Variants in PLXDC2 observed in about 807,000 individuals in gnomAD.
PLXDC2 encodes plexin domain-containing protein 2.
PLXDC2 carries 40 observed loss-of-function variants against 68.9 expected under a neutral mutation model. The ratio of observed to expected loss-of-function variants is 0.58; its 90% CI spans 0.45 to 0.76. The LOEUF is 0.76. Among genes scored for constraint, PLXDC2 ranks in the 30% least tolerant of loss-of-function variants. The pLI is 0.00. For synonymous variants in PLXDC2, 243 were observed against 234.2 expected (o/e 1.04, Z -0.34); for missense variants, 644 against 661.9 (o/e 0.97, Z 0.30).
chr10:20,083,758 A>G lies in PLXDC2; in HGVS notation c.541+15519A>G, dbSNP rs553469301. Among the ~76,000 whole-genome samples the G allele has an allele frequency of 6.6e-5, 10 of 152,284 alleles. No individual in the cohort carries two copies. In the East Asian group the frequency reaches 1.9e-3, roughly 29 times the overall value. On this transcript the variant is annotated intron_variant, in intron 4 of 13. Transcript: ENST00000377252. Reference sequence around the variant, plus strand: ...ATTGCCTATTTTGTTAAGAAAAATTATTTAAATTGTGTATTAAAGGGCTTA... The same window carrying G: ...ATTGCCTATTTTGTTAAGAAAAATTGTTTAAATTGTGTATTAAAGGGCTTA...
chr10:20,232,462 A>G (rs1000144427), intron 12 of PLXDC2, among the ~76,000 whole-genome samples: 3 of 152,212 alleles, frequency 2.0e-5, no homozygotes, highest in Admixed American at 6.5e-5. Flanking sequence ...ATAATTGTCA[A>G]TAACTAGAAA....
At chr10:19,971,639 A>G (rs1042274468) in intron 1 of PLXDC2, among the ~76,000 whole-genome samples, 1 of 152,110 alleles carries the variant, frequency 6.6e-6, no homozygotes, top group East Asian at 1.9e-4. Context: ...TCTACATTCT[A>G]ATATTTATTA....
chr10:20,087,131 G>C (rs983818083), intron 4 of PLXDC2, among the ~76,000 whole-genome samples: 21 of 152,200 alleles, frequency 1.4e-4, no homozygotes, highest in African/African-American at 4.8e-4. Context: ...CAGGTTGTTA[G>C]TTCAAATGCA....
chr10:20,095,361 A>G (rs1370755272), intron 4 of PLXDC2, among the ~76,000 whole-genome samples: 1 of 152,148 alleles, frequency 6.6e-6, no homozygotes, highest in Non-Finnish European at 1.5e-5. Context: ...TCATGTTTCT[A>G]GAGATATTTA....
chr10:20,005,269 T>G (rs1256273742), intron 2 of PLXDC2, among the ~76,000 whole-genome samples: 2 of 152,196 alleles, frequency 1.3e-5, no homozygotes, highest in African/African-American at 4.8e-5. Flanking sequence ...GGTTTCAGTC[T>G]GGCTCATAAA....
intron 12 of PLXDC2, among the ~76,000 whole-genome samples, chr10:20,220,323 A>T (rs536321568): frequency 9.2e-5 from 14 of 152,156 alleles, no homozygotes; most frequent in Non-Finnish European, 1.9e-4. Context: ...CATAAGCCCT[A>T]TGTTGGGGTT....
At chr10:20,054,138 G>A (rs1029205968) in intron 3 of PLXDC2, among the ~76,000 whole-genome samples, 7 of 151,996 alleles carry the variant, frequency 4.6e-5, no homozygotes, top group South Asian at 2.1e-4. Context: ...CAGAGTGGGC[G>A]TCAGTGGAGG....
intron 2 of PLXDC2, among the ~76,000 whole-genome samples, chr10:20,014,284 T>TTTCC (rs375865685): frequency 7.0e-6 from 1 of 142,026 alleles, no homozygotes; most frequent in Non-Finnish European, 1.5e-5. Flanking sequence ...TCCTTCCTTT[T>TTTCC]TTCCTTCCTT....
chr10:19,903,110 A>C lies in PLXDC2; in HGVS notation c.112+85919A>C, dbSNP rs868194520. 3.3e-5 allele frequency among the ~76,000 whole-genome samples: 5 copies of C among 152,242 alleles called. No individual in the cohort carries two copies. In the Middle Eastern group the frequency reaches 0.01, roughly 311 times the overall value. On this transcript the variant is annotated intron_variant, in intron 1 of 13. Coordinates refer to ENST00000377252, the MANE Select transcript of PLXDC2 (RefSeq NM_032812.9). ...GTTGAGGATTTTTGCATCTGTGTTC[A>C]TCAGGGATATTCGTCTGTAGGTTCT...
chr10:20,231,752 A>G (rs991839846), intron 12 of PLXDC2, among the ~76,000 whole-genome samples: 3 of 152,176 alleles, frequency 2.0e-5, no homozygotes, highest in Non-Finnish European at 2.9e-5. Context: ...ACAGTGGCTC[A>G]TGCCTGTAAT....
chr10:19,890,414 C>G (rs189461246), intron 1 of PLXDC2, among the ~76,000 whole-genome samples: 4 of 152,178 alleles, frequency 2.6e-5, no homozygotes, highest in African/African-American at 7.2e-5. Context: ...CCTCCGCTCC[C>G]TAGTGGTCCT....
chr10:19,978,930 A>G (rs909272318), intron 1 of PLXDC2, among the ~76,000 whole-genome samples: 3 of 152,238 alleles, frequency 2.0e-5, no homozygotes, highest in African/African-American at 7.2e-5. Context: ...TGATGGAACA[A>G]GAACAAAGTA....
At chr10:20,113,401 G>A (rs1236822696) in intron 4 of PLXDC2, among the ~76,000 whole-genome samples, 6 of 152,140 alleles carry the variant, frequency 3.9e-5, no homozygotes, top group South Asian at 2.1e-4. Flanking sequence ...TCCATTGAAC[G>A]CCTTCCTCAG....
At chr10:19,891,607 C>G (rs561204756) in intron 1 of PLXDC2, among the ~76,000 whole-genome samples, 5 of 152,306 alleles carry the variant, frequency 3.3e-5, no homozygotes, top group African/African-American at 7.2e-5. Flanking sequence ...TTAAAAGCTT[C>G]CTGTGTCTTC....
At chr10:20,141,437 C>T (rs983858790) in intron 4 of PLXDC2, among the ~76,000 whole-genome samples, 5 of 151,964 alleles carry the variant, frequency 3.3e-5, no homozygotes, top group African/African-American at 1.2e-4. Context: ...ATCTTCCTTC[C>T]TTGAATAACT....
chr10:20,178,697 G>A (rs894952921), intron 9 of PLXDC2, among the ~76,000 whole-genome samples: 10 of 152,090 alleles, frequency 6.6e-5, no homozygotes, highest in Non-Finnish European at 1.0e-4. Flanking sequence ...ATAAAATGCC[G>A]ATATTTTGAT....
At position 20,227,918 on chromosome 10, in the gene PLXDC2, G is replaced by A. The variant is rs11591604; in HGVS notation, c.1312+8816G>A. Among the ~76,000 whole-genome samples the A allele has an allele frequency of 2.5e-3, 381 of 152,252 alleles. 1 individual carries two copies. The highest frequency in any genetic ancestry group is 0.01 in the Middle Eastern group (3 of 294). On this transcript the variant is annotated intron_variant, in intron 12 of 13. Transcript: ENST00000377252. ...GAATAAAAAAAGAGAATGCACAAGA[G>A]AAGTATTTACTAATGAAGTAGAAGC... is the stretch of plus-strand genomic sequence containing the variant.
At chr10:19,938,602 A>T (rs1427967390) in intron 1 of PLXDC2, among the ~76,000 whole-genome samples, 1 of 152,148 alleles carries the variant, frequency 6.6e-6, no homozygotes, top group East Asian at 1.9e-4. Context: ...AGTCCCTGTG[A>T]TCCAATCACC....
chr10:19,834,781 G>A (rs538700101), intron 1 of PLXDC2, among the ~76,000 whole-genome samples: 15 of 152,286 alleles, frequency 9.8e-5, no homozygotes, highest in African/African-American at 1.7e-4. Context: ...TATCCTATGC[G>A]CCTAGCATTG....
Sources: allele counts gnomAD v4.1 joint callset (sites outside exome capture counted in the v4.1 genomes callset), GRCh38; gene constraint gnomAD v4.1.1; transcripts MANE v1.5; gene names NCBI Gene and HGNC (gene_info 2026-07-23, HGNC 2026-07-21).